Variants in FIG4 observed in about 807,000 individuals in gnomAD.
FIG4 encodes the protein polyphosphoinositide phosphatase.
Under a neutral mutation model 118.6 loss-of-function variants are expected in FIG4, and 112 were observed. That is an observed-to-expected ratio of 0.94 (90% CI 0.81 to 1.11). The LOEUF (loss-of-function observed/expected upper bound fraction) is 1.11. Ranked by LOEUF, FIG4 falls within the 50% of genes least tolerant of loss-of-function variation. FIG4 has a pLI of 0.00. For synonymous variants in FIG4, 369 were observed against 381.2 expected (o/e 0.97, Z 0.37); for missense variants, 969 against 1,111.7 (o/e 0.87, Z 1.83).
intron 10 of FIG4, 50 bp from the exon 11 acceptor site, chr6:109,760,200 C>T: frequency 6.5e-7 from 1 of 1,535,816 alleles, no homozygotes; most frequent in South Asian, 1.1e-5. Flanking sequence ...GAGCCTGTTC[C>T]TCTGATTTAA....
Position 109,738,384 on chromosome 6 carries a change from G to T in FIG4, c.706G>T (p.Asp236Tyr). 6.2e-7 allele frequency: 1 copy of T among 1,611,226 alleles called. No homozygotes were observed. The highest frequency in any genetic ancestry group is 8.5e-7 in the Non-Finnish European group (1 of 1,177,756). ...ATATGTATGGAATGGTGAACTTCTGGATATAATTAAAAGTACTGTGCATCG... is the reference window on the plus strand; with the variant it reads ...ATATGTATGGAATGGTGAACTTCTGTATATAATTAAAAGTACTGTGCATCG... ...MKYVWNGELL[D>Y]IIKSTVHRDW... The change falls in exon 7 of 23, where the codon GAT becomes TAT. Residue 236 changes from aspartate to tyrosine, a missense_variant. Around this residue, in one of 3 missense-constraint regions of FIG4, gnomAD observed 393 missense variants for 409.4 expected, o/e 0.96. Coordinates refer to ENST00000230124, the MANE Select transcript of FIG4 (RefSeq NM_014845.6).
At chr6:109,705,865 A>G (rs114295666) in intron 1 of FIG4, among the ~76,000 whole-genome samples, 2,234 of 152,334 alleles carry the variant, frequency 0.015, 58 homozygotes, top group African/African-American at 0.051. Context: ...ATAAAATTCT[A>G]GGGAATTTCA....
At chr6:109,814,923 C>A (rs1054695895) in intron 22 of FIG4, among the ~76,000 whole-genome samples, 10 of 151,512 alleles carry the variant, frequency 6.6e-5, no homozygotes, top group Non-Finnish European at 1.3e-4. Flanking sequence ...GCCCCCAGGC[C>A]CACTCAAAAA....
rs1196035385 is a variant in FIG4, at chr6:109,727,352, G to A, written c.446+87G>A. On this transcript the variant is annotated intron_variant, in intron 4 of 22. Coordinates refer to ENST00000230124, the MANE Select transcript of FIG4 (RefSeq NM_014845.6). Reference sequence around the variant, plus strand: ...CTGGAAGGCTGGAATATAATGGCATGGTCATAGCTTGCTGTAGCCTTGGCC... The same window carrying A: ...CTGGAAGGCTGGAATATAATGGCATAGTCATAGCTTGCTGTAGCCTTGGCC... The A allele has an allele frequency of 6.4e-6, 7 of 1,087,142 alleles. No individual in the cohort carries two copies. In the Admixed American group the frequency reaches 8.6e-5, roughly 13 times the overall value. The allele number at this position is 1,087,142 out of a possible 1,614,324, so 67.3% of individuals were successfully genotyped here.
At chr6:109,721,889 A>T (rs1256311298) in intron 3 of FIG4, among the ~76,000 whole-genome samples, 1 of 152,224 alleles carries the variant, frequency 6.6e-6, no homozygotes, top group East Asian at 1.9e-4. Context: ...GTAGAATGAT[A>T]TAAATAGCCT....
rs762123072 is a variant in FIG4 at position 109,741,477 on chromosome 6, C to T, written c.809C>T (p.Thr270Ile). Residue 270 changes from threonine (T) to isoleucine (I), a missense_variant, in exon 8 of 23, where the codon ACT becomes ATT. Physicochemically the swap from Thr to Ile is moderately conservative, Grantham distance 89. Transcript: ENST00000230124. ...LLIYGRPVYV[T>I]LIARRSSKFA... ...ATCTATGGACGACCAGTGTATGTCA[C>T]TCTAATAGCTAGAAGATCCAGTAAA... The T allele has an allele frequency of 8.1e-6, 13 of 1,613,174 alleles. No individual in the cohort carries two copies. The East Asian group carries it at 2.9e-4, about 36-fold the overall frequency.
At chr6:109,698,699 A>G (rs6920418) in intron 1 of FIG4, among the ~76,000 whole-genome samples, 3,175 of 152,340 alleles carry the variant, frequency 0.021, 98 homozygotes, top group African/African-American at 0.073. Context: ...CTTTATAAAA[A>G]AATTGTGAGT....
At chr6:109,713,965 G>C (rs191215768) in intron 1 of FIG4, among the ~76,000 whole-genome samples, 2 of 152,120 alleles carry the variant, frequency 1.3e-5, no homozygotes, top group African/African-American at 4.8e-5. Context: ...GTTCAGGTCC[G>C]ACAGTTCCCC....
chr6:109,718,979 C>A (rs796296197), intron 3 of FIG4, among the ~76,000 whole-genome samples: 1 of 147,822 alleles, frequency 6.8e-6, no homozygotes, highest in Non-Finnish European at 1.5e-5. Flanking sequence ...AGTGCAGTGG[C>A]GCGACCTTGG....
chr6:109,774,077 G>T (rs1487815490), intron 15 of FIG4, among the ~76,000 whole-genome samples: 2 of 152,162 alleles, frequency 1.3e-5, no homozygotes, highest in Non-Finnish European at 2.9e-5. Context: ...CTCCCAAAGT[G>T]CTGGGATTAC....
At chr6:109,776,543 G>A (rs1777622788) in intron 15 of FIG4, among the ~76,000 whole-genome samples, 1 of 152,144 alleles carries the variant, frequency 6.6e-6, no homozygotes. Flanking sequence ...TTGCAATAAA[G>A]TGAAGATACA....
intron 22 of FIG4, among the ~76,000 whole-genome samples, chr6:109,807,554 G>C (rs954763740): frequency 6.6e-6 from 1 of 152,124 alleles, no homozygotes; most frequent in Non-Finnish European, 1.5e-5. Context: ...CCATTCTGTA[G>C]GTTGCCTGTT....
At chr6:109,778,040 A>C (rs1777670318) in intron 16 of FIG4, among the ~76,000 whole-genome samples, 1 of 152,206 alleles carries the variant, frequency 6.6e-6, no homozygotes, top group Admixed American at 6.5e-5. Flanking sequence ...CACATGAACA[A>C]AATTTTTTAC....
chr6:109,701,544 G>A (rs1774907998), intron 1 of FIG4, among the ~76,000 whole-genome samples: 1 of 152,216 alleles, frequency 6.6e-6, no homozygotes, highest in Non-Finnish European at 1.5e-5. Context: ...AACTAGGTCT[G>A]CATGTGTCTA....
At chr6:109,763,710 A>G (rs143464233) in intron 12 of FIG4, among the ~76,000 whole-genome samples, 1 of 152,300 alleles carries the variant, frequency 6.6e-6, no homozygotes, top group East Asian at 1.9e-4. Flanking sequence ...GGCAAATTAA[A>G]ATGCCCCTTT....
chr6:109,736,563 G>C (rs773436043), intron 6 of FIG4, among the ~76,000 whole-genome samples: 1 of 152,128 alleles, frequency 6.6e-6, no homozygotes, highest in Non-Finnish European at 1.5e-5. Flanking sequence ...GTCACAATTT[G>C]TAATACAAAA....
chr6:109,733,364 C>T (rs979968283), intron 5 of FIG4, among the ~76,000 whole-genome samples: 1 of 151,884 alleles, frequency 6.6e-6, no homozygotes, highest in Non-Finnish European at 1.5e-5. Flanking sequence ...TTGACGTGAC[C>T]AGTATGTGGG....
chr6:109,768,702 AAATGT>A (rs1241072895), intron 15 of FIG4, among the ~76,000 whole-genome samples: 1 of 152,144 alleles, frequency 6.6e-6, no homozygotes, highest in African/African-American at 2.4e-5. Context: ...TGAGTCTTAC[AAATGT>A]AATGTAATAA....
At chr6:109,751,108 T>C (rs1018314635) in intron 10 of FIG4, among the ~76,000 whole-genome samples, 12 of 152,198 alleles carry the variant, frequency 7.9e-5, no homozygotes, top group Non-Finnish European at 1.8e-4. Flanking sequence ...ATCTCCATGA[T>C]TGAAAACAGC....
Sources: gnomAD v4.1 joint callset for allele counts (sites outside exome capture counted in the v4.1 genomes callset) on GRCh38, gnomAD v4.1.1 for gene constraint, gnomAD v4.1.1 regional missense constraint, MANE v1.5 for transcripts, NCBI Gene and HGNC (gene_info 2026-07-23, HGNC 2026-07-21) for gene names.